PSG5: variants seen among roughly 807,000 people sequenced by gnomAD.
PSG5 encodes the protein pregnancy-specific beta-1-glycoprotein 5.
Under a neutral mutation model 37.7 loss-of-function variants are expected in PSG5, and 53 were observed. That is an observed-to-expected ratio of 1.41 (90% confidence interval 1.13 to 1.77). PSG5 has a LOEUF of 1.77. Among genes scored for constraint, PSG5 ranks in the 40% most tolerant of loss-of-function variants. The pLI, the probability that PSG5 is intolerant of heterozygous loss-of-function variation, is 0.00. For synonymous variants in PSG5, 221 were observed against 155.4 expected (o/e 1.42, Z -3.14); for missense variants, 547 against 405.2 (o/e 1.35, Z -3.00).
rs1377539399 is a variant in PSG5, at chr19:43,185,786, T to C, written c.64+556A>G. Reference sequence around the variant, plus strand: ...GGATTTTGCTGAGGACAGTGTTTCATGTCCTGCTTATACTTTTATTAGAAG... The same window carrying C: ...GGATTTTGCTGAGGACAGTGTTTCACGTCCTGCTTATACTTTTATTAGAAG... On this transcript the variant is annotated intron_variant, in intron 1 of 5. Transcript: ENST00000342951. Among the ~76,000 whole-genome samples, 2 of 150,808 alleles carry C rather than the reference T, an allele frequency of 1.3e-5. 1 individual carries two copies. Among genetic ancestry groups the C allele is most frequent in the Non-Finnish European group, 3.0e-5 (2 of 67,750 alleles).
chr19:43,181,674 G>A (rs1351764132), intron 2 of PSG5, among the ~76,000 whole-genome samples: 1 of 151,718 alleles, frequency 6.6e-6, no homozygotes, highest in Admixed American at 6.6e-5. Flanking sequence ...TAGCCAGGAT[G>A]GTCTCCATCT....
intron 4 of PSG5, chr19:43,174,121 A>T (rs528557355): frequency 2.6e-5 from 4 of 151,872 alleles, no homozygotes; most frequent in Middle Eastern, 3.4e-3. Context: ...ACAAAAGGAT[A>T]ATTATCATAT....
rs1367124962 is a variant in PSG5 at position 43,186,349 on chromosome 19, C to T, written c.57G>A (p.Leu19=). ...AGGAAGTTCTCTCCTCACCTGTGAGCAGGAGCCCCTTCCAGGTGATGTGCT... is the reference window on the plus strand; with the variant it reads ...AGGAAGTTCTCTCCTCACCTGTGAGTAGGAGCCCCTTCCAGGTGATGTGCT... ...CTQHITWKGL[L]LTASLLNFWN... Residue 19 remains leucine, a synonymous_variant, in exon 1 of 6, where the codon CTG becomes CTA. Transcript: ENST00000342951. 4 of 1,612,158 alleles carry T rather than the reference C, an allele frequency of 2.5e-6. No individual in the cohort carries two copies. Among genetic ancestry groups the T allele is most frequent in the Non-Finnish European group, 3.4e-6 (4 of 1,178,928 alleles).
rs543187360 is a variant in PSG5 at position 43,168,196 on chromosome 19, G to C, written c.*48C>G. Reference sequence around the variant, plus strand: ...GTAAGTAGTTTGAGGAAGAATCAAAGCAACTGTCTGGGAAAGACAAAGATT... The same window carrying C: ...GTAAGTAGTTTGAGGAAGAATCAAACCAACTGTCTGGGAAAGACAAAGATT... On this transcript the variant is annotated 3_prime_UTR_variant, in exon 6 of 6. Coordinates refer to ENST00000342951, the MANE Select transcript of PSG5 (RefSeq NM_002781.4). 6 of 406,052 alleles carry C rather than the reference G, an allele frequency of 1.5e-5. No homozygotes were observed. Among genetic ancestry groups the C allele is most frequent in the Non-Finnish European group, 2.7e-5 (6 of 220,810 alleles). 25.2% of individuals were successfully genotyped at this position (406,052 alleles called of 1,614,324 possible).
chr19:43,170,155 AG>A lies in PSG5; in HGVS notation c.965-18del. 1 of 1,571,228 alleles carries A rather than the reference AG, an allele frequency of 6.4e-7. No individual in the cohort carries two copies. The highest frequency in any genetic ancestry group is 8.7e-7 in the Non-Finnish European group (1 of 1,147,394). ...CTGAAGGAGCTGTCATGGAAAGAAA[AG>A]TAAAGAAGGAATGAAGGTGATGTTA... On this transcript the variant is annotated intron_variant, in intron 4 of 5. Transcript: ENST00000342951.
chr19:43,175,519 A>T (rs1968990075), intron 3 of PSG5, 50 bp from the exon 4 acceptor site: 11 of 1,566,126 alleles, frequency 7.0e-6, no homozygotes, highest in Non-Finnish European at 9.5e-6. Flanking sequence ...AGGGAAGGGG[A>T]TGCTCCTGGT....
chr19:43,184,385 A>G (rs148833647), intron 2 of PSG5, among the ~76,000 whole-genome samples: 3,446 of 151,644 alleles, frequency 0.023, 224 homozygotes, highest in African/African-American at 0.079. Context: ...TTAGGGACAG[A>G]GGTCTGGGGT....
intron 2 of PSG5, among the ~76,000 whole-genome samples, chr19:43,183,754 G>T (rs1568376111): frequency 6.8e-6 from 1 of 146,638 alleles, no homozygotes; most frequent in Non-Finnish European, 1.5e-5. Flanking sequence ...AACCCAGTAA[G>T]CCCTCACTTC....
chr19:43,179,751 T>C lies in PSG5; in HGVS notation c.431-3603A>G, dbSNP rs548941937. Reference sequence around the variant, plus strand: ...GTGGAGCCACAAGGTGGCGCAGTTTTCCCAGGTGTCTCATAGTGACTGACT... The same window carrying C: ...GTGGAGCCACAAGGTGGCGCAGTTTCCCCAGGTGTCTCATAGTGACTGACT... On this transcript the variant is annotated intron_variant, in intron 2 of 5. Coordinates refer to ENST00000342951, the MANE Select transcript of PSG5 (RefSeq NM_002781.4). Among the ~76,000 whole-genome samples the C allele has an allele frequency of 3.7e-3, 566 of 151,642 alleles. 16 individuals carry two copies. The highest frequency in any genetic ancestry group is 0.013 in the African/African-American group (535 of 41,228).
chr19:43,183,289 A>C (rs1969169687), intron 2 of PSG5: 1 of 371,596 alleles, frequency 2.7e-6, no homozygotes, highest in Non-Finnish European at 5.4e-6. Context: ...TGGGGGGATG[A>C]AACATGGATG....
In PSG5 at chr19:43,185,138, A is replaced by G. The variant is rs573901254; in HGVS notation, c.74T>C (p.Leu25Ser). ...WKGLLLTASLLNFWNLPITAQ... is the reference protein window; with the variant it reads ...WKGLLLTASLSNFWNLPITAQ... ...AGTGATAGGCAGGTTCCAGAAGTTT[A>G]AAAGTGATGCTAGGAGGTGGAGAAA... Residue 25 changes from leucine (L) to serine (S), a missense_variant, in exon 2 of 6, where the codon TTA becomes TCA. Physicochemically the swap from Leu to Ser is moderately radical, Grantham distance 145 (BLOSUM62 -2). Coordinates refer to ENST00000342951, the MANE Select transcript of PSG5 (RefSeq NM_002781.4). 35 of 1,603,572 alleles carry G rather than the reference A, an allele frequency of 2.2e-5. No homozygotes were observed. In the South Asian group the frequency reaches 2.9e-4, roughly 13 times the overall value.
At chr19:43,182,918 G>A (rs1453730117) in intron 2 of PSG5, among the ~76,000 whole-genome samples, 1 of 148,918 alleles carries the variant, frequency 6.7e-6, no homozygotes, top group Non-Finnish European at 1.5e-5. Flanking sequence ...GGCAACTCCA[G>A]GTGATTTCTG....
chr19:43,186,393 A>G lies in PSG5; in HGVS notation c.13T>C (p.Ser5Pro), dbSNP rs1170682228. Residue 5 changes from serine (S) to proline (P), a missense_variant, in exon 1 of 6, where the codon TCA becomes CCA. Ser to Pro is a moderately conservative substitution (Grantham distance 74). Transcript: ENST00000342951. The part of the protein sequence containing the change: MGPL[S>P]APPCTQHITW... ...ATGTGCTGTGTGCAGGGAGGGGCTG[A>G]GAGGGGCCCCATGGTCTCTGCGCCT... The G allele has an allele frequency of 3.7e-6, 6 of 1,612,092 alleles. No individual in the cohort carries two copies. Among genetic ancestry groups the G allele is most frequent in the Non-Finnish European group, 5.1e-6 (6 of 1,178,938 alleles).
chr19:43,171,786 G>T (rs1016543652), intron 4 of PSG5, among the ~76,000 whole-genome samples: 4 of 151,288 alleles, frequency 2.6e-5, no homozygotes, highest in African/African-American at 9.8e-5. Flanking sequence ...TGGGTAACCT[G>T]GGGAGATGCT....
chr19:43,168,462 G>A (rs1047456517), intron 5 of PSG5, among the ~76,000 whole-genome samples: 1 of 151,374 alleles, frequency 6.6e-6, no homozygotes, highest in Non-Finnish European at 1.5e-5. Context: ...TCTGCCTCCC[G>A]GGTTCATGCC....
intron 5 of PSG5, among the ~76,000 whole-genome samples, chr19:43,169,214 T>C (rs937555672): frequency 1.3e-5 from 2 of 151,696 alleles, no homozygotes; most frequent in African/African-American, 4.9e-5. Flanking sequence ...AGGCTTTATG[T>C]CTCCTGGGGT....
rs1426564463 is a variant in PSG5, at chr19:43,177,536, A to G, written c.431-1388T>C. 9.3e-5 allele frequency among the ~76,000 whole-genome samples: 14 copies of G among 150,122 alleles called. No homozygotes were observed. The East Asian group carries it at 2.5e-3, about 27-fold the overall frequency. ...TTTTTTTTTATCTCACCACGTTTCTACCATGGTGATTAGTTTTTGGTCAAT... is the reference window on the plus strand; with the variant it reads ...TTTTTTTTTATCTCACCACGTTTCTGCCATGGTGATTAGTTTTTGGTCAAT... On this transcript the variant is annotated intron_variant, in intron 2 of 5. Coordinates refer to ENST00000342951, the MANE Select transcript of PSG5 (RefSeq NM_002781.4).
At chr19:43,179,482 T>C (rs566342437) in intron 2 of PSG5, among the ~76,000 whole-genome samples, 2 of 151,842 alleles carry the variant, frequency 1.3e-5, no homozygotes, top group African/African-American at 2.4e-5. Flanking sequence ...CTGACCCACC[T>C]TGTGGTCCTC....
At chr19:43,182,878 C>T (rs1482651907) in intron 2 of PSG5, among the ~76,000 whole-genome samples, 2 of 146,944 alleles carry the variant, frequency 1.4e-5, no homozygotes, top group Non-Finnish European at 3.0e-5. Context: ...GACCTGGGAA[C>T]ATTGGCTCGA....
Sources: allele counts gnomAD v4.1 joint callset (sites outside exome capture counted in the v4.1 genomes callset), GRCh38; gene constraint gnomAD v4.1.1; transcripts MANE v1.5; gene names NCBI Gene and HGNC (gene_info 2026-07-23, HGNC 2026-07-21).